Variants in TSPAN11 observed in about 807,000 individuals in gnomAD.
TSPAN11 encodes the protein tetraspanin-11.
Under a neutral mutation model 32.9 loss-of-function variants are expected in TSPAN11, and 29 were observed. The ratio of observed to expected loss-of-function variants is 0.88; its 90% CI spans 0.66 to 1.20. The LOEUF (loss-of-function observed/expected upper bound fraction) is 1.20. TSPAN11 is among the 50% of genes most tolerant of loss of function. TSPAN11 has a pLI of 0.00. For missense variants in TSPAN11, 283 were observed against 329.1 expected (o/e 0.86, Z 1.08); for synonymous variants, 140 against 141.3 (o/e 0.99, Z 0.07).
At chr12:30,944,502 G>A (rs188661215) in intron 1 of TSPAN11, among the ~76,000 whole-genome samples, 3 of 152,104 alleles carry the variant, frequency 2.0e-5, no homozygotes, top group Admixed American at 1.3e-4. Context: ...GGCTTATTTC[G>A]CTTAACATAA....
intron 7 of TSPAN11, among the ~76,000 whole-genome samples, chr12:30,991,585 A>T (rs1030831955): frequency 1.3e-5 from 2 of 152,182 alleles, no homozygotes; most frequent in Non-Finnish European, 2.9e-5. Flanking sequence ...TCCCCAGATG[A>T]TTCATGCCCA....
downstream of TSPAN11, among the ~76,000 whole-genome samples, chr12:30,998,466 A>C (rs1861917): frequency 0.015 from 2,302 of 152,380 alleles, 53 homozygotes; most frequent in African/African-American, 0.053. Context: ...CATGGGGCAA[A>C]GAGCCATTTT....
chr12:30,957,031 T>C (rs1938491977), intron 2 of TSPAN11, among the ~76,000 whole-genome samples: 1 of 152,186 alleles, frequency 6.6e-6, no homozygotes, highest in Admixed American at 6.5e-5. Context: ...GGGAGTGCGA[T>C]GACTTGAGAG....
chr12:30,982,635 CA>C lies in TSPAN11; in HGVS notation c.561del (p.Val188TrpfsTer119), dbSNP rs772040986. 6.2e-7 allele frequency: 1 copy of C among 1,611,838 alleles called. No individual in the cohort carries two copies. Among genetic ancestry groups the C allele is most frequent in the Non-Finnish European group, 8.5e-7 (1 of 1,179,292 alleles). ...CAGGTGCCCGACAGCTGCTGCAAGA[CA>C]GTGGTGGTGCGCTGCGGCCAGCGGG... ...GRQVPDSCCKTVVVRCGQRAH... is the reference protein window; with the variant it reads ...GRQVPDSCCKXVVVRCGQRAH... On this transcript the variant is annotated frameshift_variant, in exon 6 of 8. Coordinates refer to ENST00000546076, the MANE Select transcript of TSPAN11 (RefSeq NM_001370302.1). LOFTEE classifies it high-confidence loss of function.
intron 5 of TSPAN11, among the ~76,000 whole-genome samples, chr12:30,980,205 A>G (rs991875031): frequency 1.8e-4 from 27 of 152,254 alleles, no homozygotes; most frequent in Non-Finnish European, 1.0e-4. Context: ...GAAGACATGC[A>G]GCAAATCCCT....
At chr12:30,926,953 T>G (rs948664500) in intron 1 of TSPAN11, 157 bp downstream of exon 1, 7 of 1,279,998 alleles carry the variant, frequency 5.5e-6, no homozygotes, top group South Asian at 1.3e-5. Flanking sequence ...CGGCTGGGGA[T>G]GAGGAGTGGA....
chr12:30,929,049 T>A (rs1406983731), intron 1 of TSPAN11, among the ~76,000 whole-genome samples: 1 of 152,198 alleles, frequency 6.6e-6, no homozygotes, highest in Non-Finnish European at 1.5e-5. Context: ...TCCCAGGAGC[T>A]CTGGAAGGGA....
chr12:30,971,879 A>G (rs920997996), intron 3 of TSPAN11, among the ~76,000 whole-genome samples: 3 of 151,930 alleles, frequency 2.0e-5, no homozygotes, highest in African/African-American at 7.3e-5. Flanking sequence ...AGAGAGTACT[A>G]TGCTGTTCTA....
intron 2 of TSPAN11, 32 bp downstream of exon 2, chr12:30,954,107 C>G: frequency 6.5e-7 from 1 of 1,539,414 alleles, no homozygotes; most frequent in Non-Finnish European, 9.0e-7. Context: ...ATCCTCTTCC[C>G]CGAGCACTGA....
intron 3 of TSPAN11, 28 bp downstream of exon 3, chr12:30,964,045 G>T: frequency 6.2e-7 from 1 of 1,604,616 alleles, no homozygotes; most frequent in Non-Finnish European, 8.5e-7. Context: ...GCTCTGCAGG[G>T]ATGGGGAGCC....
At chr12:30,962,405 T>C (rs998856228) in intron 2 of TSPAN11, among the ~76,000 whole-genome samples, 1 of 152,218 alleles carries the variant, frequency 6.6e-6, no homozygotes, top group Non-Finnish European at 1.5e-5. Flanking sequence ...CTAAAACTCA[T>C]GGTGTAATCT....
intron 4 of TSPAN11, 108 bp downstream of exon 4, chr12:30,978,743 G>C (rs1408999391): frequency 1.8e-5 from 21 of 1,147,084 alleles, no homozygotes; most frequent in Non-Finnish European, 2.5e-5. Flanking sequence ...CACAAGGGCG[G>C]TCCTGTTTCC....
At chr12:30,955,714 C>T (rs540896337) in intron 2 of TSPAN11, among the ~76,000 whole-genome samples, 1 of 152,248 alleles carries the variant, frequency 6.6e-6, no homozygotes, top group South Asian at 2.1e-4. Flanking sequence ...TGATTCTTGG[C>T]ACTCCTTGGC....
At chr12:30,956,849 T>C (rs939960900) in intron 2 of TSPAN11, among the ~76,000 whole-genome samples, 4 of 152,250 alleles carry the variant, frequency 2.6e-5, no homozygotes, top group African/African-American at 9.6e-5. Flanking sequence ...TCTGTCAGGC[T>C]ATGGGGAGCA....
rs1478536596 is a variant in TSPAN11, at chr12:30,993,627, G to A, written c.*1712G>A. 1.3e-5 allele frequency: 2 copies of A among 152,252 alleles called. No individual in the cohort carries two copies. Among genetic ancestry groups the A allele is most frequent in the Non-Finnish European group, 2.9e-5 (2 of 68,076 alleles). The allele number at this position is 152,252 out of a possible 1,614,324, so 9.4% of individuals were successfully genotyped here. On this transcript the variant is annotated 3_prime_UTR_variant, in exon 8 of 8. Transcript: ENST00000546076. ...GACCAGATATCCCAGACTGCACAGAGGCCGAGAGAAATGGTATAGTGCGTG... is the reference window on the plus strand; with the variant it reads ...GACCAGATATCCCAGACTGCACAGAAGCCGAGAGAAATGGTATAGTGCGTG...
the TSPAN11 span, among the ~76,000 whole-genome samples, chr12:31,007,171 G>A: frequency 4.3e-4 from 66 of 152,290 alleles, no homozygotes; most frequent in Non-Finnish European, 7.2e-4. Flanking sequence ...GCATTTCCAA[G>A]ACCTGGGTTC....
At chr12:31,000,023 G>C (rs1467363051), downstream of TSPAN11, among the ~76,000 whole-genome samples, 1 of 150,914 alleles carries the variant, frequency 6.6e-6, no homozygotes, top group African/African-American at 2.4e-5. Context: ...TACTCTTTCT[G>C]TTAGCTTGAG....
chr12:30,935,008 T>G (rs1295010885), intron 1 of TSPAN11, among the ~76,000 whole-genome samples: 1 of 152,122 alleles, frequency 6.6e-6, no homozygotes, highest in Non-Finnish European at 1.5e-5. Context: ...TTGCATCACT[T>G]TGGCAATTCC....
intron 1 of TSPAN11, among the ~76,000 whole-genome samples, chr12:30,934,112 C>A (rs1044003568): frequency 6.6e-6 from 1 of 152,362 alleles, no homozygotes; most frequent in African/African-American, 2.4e-5. Context: ...GATTACCCAA[C>A]TCTCTAGCCT....
Sources: gnomAD v4.1 joint callset for allele counts (sites outside exome capture counted in the v4.1 genomes callset) on GRCh38, gnomAD v4.1.1 for gene constraint, MANE v1.5 for transcripts, NCBI Gene and HGNC (gene_info 2026-07-23, HGNC 2026-07-21) for gene names.